The following TAX1BP1 variants were observed in gnomAD, a reference collection of about 807,000 sequenced individuals.
TAX1BP1 encodes the protein Tax1 binding protein 1, also known as tax1-binding protein 1.
In TAX1BP1, 62 loss-of-function variants were observed where a neutral mutation model predicts 97.7. The ratio of observed to expected loss-of-function variants is 0.63; its 90% CI spans 0.52 to 0.78. TAX1BP1 has a LOEUF of 0.78. Ranked by LOEUF, TAX1BP1 falls within the 30% of genes least tolerant of loss-of-function variation. The probability of loss-of-function intolerance (pLI) is 0.00; values close to 1 mark genes in which losing one functional copy is unlikely to be tolerated. For missense variants in TAX1BP1, 867 were observed against 916.1 expected, an observed-to-expected ratio of 0.95 and a Z score of 0.69; for synonymous variants, 340 against 304.2, an observed-to-expected ratio of 1.12 and a Z score of -1.23.
intron 5 of TAX1BP1, among the ~76,000 whole-genome samples, chr7:27,779,887 A>G (rs1325341670): frequency 3.3e-5 from 5 of 152,194 alleles, no homozygotes; most frequent in Non-Finnish European, 4.4e-5. Context: ...TTTCAGCTGG[A>G]TGAAAGGGGA....
At chr7:27,814,954 G>A (rs1790711014) in intron 13 of TAX1BP1, among the ~76,000 whole-genome samples, 2 of 152,044 alleles carry the variant, frequency 1.3e-5, no homozygotes, top group Non-Finnish European at 2.9e-5. Flanking sequence ...AGCCAGGATG[G>A]TCTTGATCTC....
At chr7:27,752,215 G>A (rs1183027710) in intron 2 of TAX1BP1, among the ~76,000 whole-genome samples, 2 of 152,140 alleles carry the variant, frequency 1.3e-5, no homozygotes, top group Non-Finnish European at 2.9e-5. Flanking sequence ...TCCATAAGTA[G>A]AATTCATAGG....
In TAX1BP1 at chr7:27,764,254, G is replaced by C. The variant is rs77306468; in HGVS notation, c.266-1580G>C. Reference sequence around the variant, plus strand: ...TAGATCCAGTCTTTAATTCCTCTTTGTATTTAATTGTCATGTTGTCTTAGT... The same window carrying C: ...TAGATCCAGTCTTTAATTCCTCTTTCTATTTAATTGTCATGTTGTCTTAGT... On this transcript the variant is annotated intron_variant, in intron 3 of 16. Transcript: ENST00000396319. Among the ~76,000 whole-genome samples the C allele has an allele frequency of 8.8e-3, 1,338 of 152,126 alleles. 16 individuals carry two copies. Among genetic ancestry groups the C allele is most frequent in the Non-Finnish European group, 0.011 (721 of 67,996 alleles).
chr7:27,816,946 C>A lies in TAX1BP1; in HGVS notation c.1993C>A (p.Pro665Thr), dbSNP rs1228384156. ...DEIQRPPVRV[P>T]SWGLEDNVVC... Reference sequence around the variant, plus strand: ...AATACAAAGGCCACCTGTCAGAGTCCCCTCTTGGGGACTGGAAGACAATGT... The same window carrying A: ...AATACAAAGGCCACCTGTCAGAGTCACCTCTTGGGGACTGGAAGACAATGT... Residue 665 changes from proline (P) to threonine (T), a missense_variant, in exon 15 of 17, where the codon CCC becomes ACC. Pro to Thr is a conservative substitution (Grantham distance 38). Around this residue, in one of 3 missense-constraint regions of TAX1BP1, gnomAD observed 822 missense variants for 851.4 expected, o/e 0.97. Coordinates refer to ENST00000396319, the MANE Select transcript of TAX1BP1 (RefSeq NM_006024.7). 6.2e-7 allele frequency: 1 copy of A among 1,614,054 alleles called. No individual in the cohort carries two copies. Among genetic ancestry groups the A allele is most frequent in the Admixed American group, 1.7e-5 (1 of 59,990 alleles).
chr7:27,739,474 A>C (rs1787485445), upstream of TAX1BP1: 1 of 152,220 alleles, frequency 6.6e-6, no homozygotes, highest in Non-Finnish European at 1.5e-5. Flanking sequence ...CATATACAAC[A>C]AGCAAAAGTG....
chr7:27,771,772 G>A (rs1326259265), intron 5 of TAX1BP1, among the ~76,000 whole-genome samples: 1 of 151,908 alleles, frequency 6.6e-6, no homozygotes, highest in African/African-American at 2.4e-5. Flanking sequence ...TCTTGCATTG[G>A]GGCATATTCT....
At chr7:27,757,113 T>C (rs955766272) in intron 2 of TAX1BP1, among the ~76,000 whole-genome samples, 2 of 152,126 alleles carry the variant, frequency 1.3e-5, no homozygotes, top group African/African-American at 2.4e-5. Flanking sequence ...TATTCTGTTG[T>C]CTACAATCAG....
chr7:27,789,574 A>G (rs1382438473), intron 8 of TAX1BP1, among the ~76,000 whole-genome samples: 1 of 151,830 alleles, frequency 6.6e-6, no homozygotes, highest in Non-Finnish European at 1.5e-5. Flanking sequence ...TATACATACC[A>G]TTTTGCACCT....
At chr7:27,806,011 T>C (rs557803259) in intron 13 of TAX1BP1, among the ~76,000 whole-genome samples, 1 of 152,306 alleles carries the variant, frequency 6.6e-6, no homozygotes, top group Admixed American at 6.5e-5. Context: ...ATTTTTAGTT[T>C]TCCACAGAAA....
chr7:27,809,189 T>C (rs1462175201), intron 13 of TAX1BP1, among the ~76,000 whole-genome samples: 2 of 152,186 alleles, frequency 1.3e-5, no homozygotes, highest in Non-Finnish European at 2.9e-5. Flanking sequence ...CTACAACAAA[T>C]GTAATTCGAA....
Position 27,796,771 on chromosome 7 carries a change from G to T in TAX1BP1, c.1638+552G>T, listed in dbSNP as rs574548888. On this transcript the variant is annotated intron_variant, in intron 12 of 16. Coordinates refer to ENST00000396319, the MANE Select transcript of TAX1BP1 (RefSeq NM_006024.7). ...CCAGCTACAGTCTCCTGAGGCAGGAGAATCACTTGAACCCGGGAGGCGGAG... is the reference window on the plus strand; with the variant it reads ...CCAGCTACAGTCTCCTGAGGCAGGATAATCACTTGAACCCGGGAGGCGGAG... Among the ~76,000 whole-genome samples the T allele has an allele frequency of 3.3e-5, 5 of 152,000 alleles. No homozygotes were observed. The East Asian group carries it at 7.9e-4, about 24-fold the overall frequency.
At position 27,799,997 on chromosome 7, in the gene TAX1BP1, T is replaced by A. The variant is rs2128320113; in HGVS notation, c.1671T>A (p.Asp557Glu). 1 of 1,602,102 alleles carries A rather than the reference T, an allele frequency of 6.2e-7. No individual in the cohort carries two copies. The highest frequency in any genetic ancestry group is 8.5e-7 in the Non-Finnish European group (1 of 1,175,538). ...AAGCAAAATGCAATAAATATGCTGA[T>A]GAACTTGCAAAAATGGAGCTGAAAT... ...DEKAKCNKYA[D>E]ELAKMELKWK... The change falls in exon 13 of 17, where the codon GAT becomes GAA. Residue 557 changes from aspartate (D) to glutamate (E), a missense_variant. Around this residue, in one of 3 missense-constraint regions of TAX1BP1, gnomAD observed 822 missense variants for 851.4 expected, o/e 0.97. Transcript: ENST00000396319.
At chr7:27,765,528 C>A (rs1351710761) in intron 3 of TAX1BP1, among the ~76,000 whole-genome samples, 1 of 152,188 alleles carries the variant, frequency 6.6e-6, no homozygotes, top group African/African-American at 2.4e-5. Context: ...CTTGCTCCTC[C>A]TCCAGCCTCT....
intron 8 of TAX1BP1, among the ~76,000 whole-genome samples, chr7:27,790,476 T>C (rs1001427204): frequency 6.6e-6 from 1 of 152,054 alleles, no homozygotes; most frequent in African/African-American, 2.4e-5. Context: ...AAATGTTCTA[T>C]TGATTTTTTT....
chr7:27,752,661 C>T (rs1251875279), intron 2 of TAX1BP1, among the ~76,000 whole-genome samples: 5 of 152,146 alleles, frequency 3.3e-5, no homozygotes, highest in African/African-American at 4.8e-5. Context: ...AGTTTTTTCA[C>T]TCCCTCTGAA....
chr7:27,740,005 A>T (rs1046153662), upstream of TAX1BP1: 1 of 152,272 alleles, frequency 6.6e-6, no homozygotes, highest in African/African-American at 2.4e-5. Flanking sequence ...GTAAGGAGAG[A>T]GCCAGCCTAC....
At chr7:27,747,326 G>A (rs1787862277) in intron 1 of TAX1BP1, among the ~76,000 whole-genome samples, 1 of 152,126 alleles carries the variant, frequency 6.6e-6, no homozygotes, top group Non-Finnish European at 1.5e-5. Context: ...TTTGGATCTT[G>A]CAGTTTTTAT....
intron 4 of TAX1BP1, among the ~76,000 whole-genome samples, chr7:27,766,941 T>A (rs1788670180): frequency 6.6e-6 from 1 of 152,166 alleles, no homozygotes; most frequent in Non-Finnish European, 1.5e-5. Context: ...AAAGAAAATT[T>A]AAAAAGCTAT....
At chr7:27,750,380 G>A (rs1787977048) in intron 2 of TAX1BP1, among the ~76,000 whole-genome samples, 1 of 152,174 alleles carries the variant, frequency 6.6e-6, no homozygotes, top group Admixed American at 6.5e-5. Flanking sequence ...CAACCAGTAG[G>A]TATAATGCAA....
Sources: gnomAD v4.1 joint callset for allele counts (sites outside exome capture counted in the v4.1 genomes callset) on GRCh38, gnomAD v4.1.1 for gene constraint, gnomAD v4.1.1 regional missense constraint, MANE v1.5 for transcripts, NCBI Gene and HGNC (gene_info 2026-07-23, HGNC 2026-07-21) for gene names.